Variants in ZSCAN20 observed in about 807,000 individuals in gnomAD.
ZSCAN20 encodes the protein zinc finger and SCAN domain containing 20.
A neutral mutation model predicts 97.1 loss-of-function variants in ZSCAN20; 39 were observed. The ratio of observed to expected loss-of-function variants is 0.40; its 90% CI spans 0.31 to 0.52. The LOEUF (loss-of-function observed/expected upper bound fraction) is 0.52, where lower values mean the gene tolerates loss of function less well. Among genes scored for constraint, ZSCAN20 ranks in the 20% least tolerant of loss-of-function variants. The pLI, the probability that ZSCAN20 is intolerant of heterozygous loss-of-function variation, is 0.49. For missense variants in ZSCAN20, 1,115 were observed against 1,290.4 expected (o/e 0.86, Z 2.08); for synonymous variants, 456 against 467.3 (o/e 0.98, Z 0.31).
At chr1:33,494,078 T>TTTATAAGATGTGCGATAGAAGATATAAGA in intron 7 of ZSCAN20, 140 bp from the exon 8 acceptor site, 1 of 785,140 alleles carries the variant, frequency 1.3e-6, no homozygotes. Flanking sequence ...GTTAGTCACA[T>TTTATAAGATGTGCGATAGAAGATATAAGA]TTATAAGATG....
chr1:33,491,560 C>CTTT lies in ZSCAN20; in HGVS notation c.1302_1303insTTT (p.Asp434_Ala435insPhe). 6.2e-7 allele frequency: 1 copy of CTTT among 1,614,056 alleles called. No individual in the cohort carries two copies. Among genetic ancestry groups the CTTT allele is most frequent in the African/African-American group, 1.3e-5 (1 of 75,002 alleles). ...CACTTCCCAGGCTCGGGTATAGTGA[C>CTTT]GCAGAGATGGATGAGCAGGAGGAAG... is the stretch of plus-strand genomic sequence containing the variant. On this transcript the variant is annotated inframe_insertion, in exon 6 of 8. Coordinates refer to ENST00000684572, the MANE Select transcript of ZSCAN20 (RefSeq NM_001377376.1). This position sits in a 1 kb window ranked among gnomAD's most constrained non-coding sequence, Gnocchi z 4.3.
At chr1:33,489,367 A>G in intron 4 of ZSCAN20, 151 bp from the exon 5 acceptor site, 1 of 971,720 alleles carries the variant, frequency 1.0e-6, no homozygotes, top group East Asian at 2.6e-5. Context: ...AAACACATGT[A>G]TGTACCAAAT....
intron 5 of ZSCAN20, 56 bp downstream of exon 5, chr1:33,489,658 C>T: frequency 6.5e-7 from 1 of 1,529,584 alleles, no homozygotes; most frequent in Non-Finnish European, 9.0e-7. Flanking sequence ...ACACCCAGTT[C>T]CCAAAGAGGG....
intron 1 of ZSCAN20, among the ~76,000 whole-genome samples, chr1:33,474,014 C>T (rs1018406767): frequency 1.3e-5 from 2 of 152,218 alleles, no homozygotes; most frequent in African/African-American, 4.8e-5. Context: ...TAGTCTTCCT[C>T]TGCCTGGCAA....
At chr1:33,476,443 C>T (rs950571138) in intron 1 of ZSCAN20, among the ~76,000 whole-genome samples, 2 of 152,194 alleles carry the variant, frequency 1.3e-5, no homozygotes, top group African/African-American at 2.4e-5. Flanking sequence ...TTATCTGAGA[C>T]TCTGAGCTTT....
At position 33,494,109 on chromosome 1, in the gene ZSCAN20, T is replaced by A; in HGVS notation, c.1874-109T>A. On this transcript the variant is annotated intron_variant, in intron 7 of 7. Transcript: ENST00000684572. ...AGATGTGCGATAGAAGATATAAGAATCAAATTCATGTTAGCCAAATTCACA... is the reference window on the plus strand; with the variant it reads ...AGATGTGCGATAGAAGATATAAGAAACAAATTCATGTTAGCCAAATTCACA... 3 of 1,022,238 alleles carry A rather than the reference T, an allele frequency of 2.9e-6. No individual in the cohort carries two copies. In the South Asian group the frequency reaches 6.0e-5, roughly 20 times the overall value. The allele number at this position is 1,022,238 out of a possible 1,614,324, so 63.3% of individuals were successfully genotyped here.
At chr1:33,477,297 T>G (rs1651972994) in intron 1 of ZSCAN20, among the ~76,000 whole-genome samples, 1 of 152,158 alleles carries the variant, frequency 6.6e-6, no homozygotes, top group Admixed American at 6.5e-5. Flanking sequence ...TTAATTTTTA[T>G]TACCCTTGTC....
intron 2 of ZSCAN20, among the ~76,000 whole-genome samples, chr1:33,487,025 A>T (rs1172194204): frequency 6.6e-6 from 1 of 152,252 alleles, no homozygotes; most frequent in Non-Finnish European, 1.5e-5. Flanking sequence ...AAAAAATAAG[A>T]CTCAGAGCAG....
chr1:33,478,124 G>A (rs1437835578), intron 1 of ZSCAN20, among the ~76,000 whole-genome samples: 3 of 152,160 alleles, frequency 2.0e-5, no homozygotes, highest in Admixed American at 2.0e-4. Flanking sequence ...GCTTTGTCCT[G>A]AGGGAAATGG....
Position 33,495,209 on chromosome 1 carries a change from A to G in ZSCAN20, c.2865A>G (p.Gly955=). ...TCACACACCAGAGAGTGCACACAGG[A>G]GAGAAGCCCTACAAATGCCTTGAGT... ...KLITHQRVHT[G]EKPYKCLECG... The change falls in exon 8 of 8, where the codon GGA becomes GGG. Residue 955 remains glycine, a synonymous_variant. Transcript: ENST00000684572. 6.2e-7 allele frequency: 1 copy of G among 1,613,588 alleles called. No homozygotes were observed. Among genetic ancestry groups the G allele is most frequent in the Non-Finnish European group, 8.5e-7 (1 of 1,179,664 alleles).
In ZSCAN20 at chr1:33,498,332, T is replaced by C. The variant is rs1434900207; in HGVS notation, c.*2856T>C. ...TAGTGAACAGTTTTGATGTTTATTA[T>C]CTGCCATTCTTGTCTCATGAATCTT... On this transcript the variant is annotated 3_prime_UTR_variant, in exon 8 of 8. Transcript: ENST00000684572. Among the ~76,000 whole-genome samples the C allele has an allele frequency of 1.3e-5, 2 of 152,236 alleles. No homozygotes were observed. The highest frequency in any genetic ancestry group is 2.9e-5 in the Non-Finnish European group (2 of 68,044).
At position 33,498,774 on chromosome 1, in the gene ZSCAN20, C is replaced by T. The variant is rs1025520341; in HGVS notation, c.*3298C>T. On this transcript the variant is annotated 3_prime_UTR_variant, in exon 8 of 8. Coordinates refer to ENST00000684572, the MANE Select transcript of ZSCAN20 (RefSeq NM_001377376.1). ...TCGTCTCCCCAGATGGCTGCCTCCC[C>T]TTGATTTCTTCACCCTCCACCTCAA... 5.3e-5 allele frequency among the ~76,000 whole-genome samples: 8 copies of T among 152,146 alleles called. No individual in the cohort carries two copies. In the East Asian group the frequency reaches 1.2e-3, roughly 22 times the overall value.
rs903039387 is a variant in ZSCAN20, at chr1:33,477,510, G to A, written c.-110-1669G>A. Among the ~76,000 whole-genome samples the A allele has an allele frequency of 5.9e-5, 9 of 151,942 alleles. No individual in the cohort carries two copies. In the South Asian group the frequency reaches 8.3e-4, roughly 14 times the overall value. ...CAGCATGGGTGCCATCAGAGAGGCTGTAATCTCCTCTGGGACACACATAGA... is the reference window on the plus strand; with the variant it reads ...CAGCATGGGTGCCATCAGAGAGGCTATAATCTCCTCTGGGACACACATAGA... On this transcript the variant is annotated intron_variant, in intron 1 of 7. Coordinates refer to ENST00000684572, the MANE Select transcript of ZSCAN20 (RefSeq NM_001377376.1).
chr1:33,483,030 G>A (rs1460342025), intron 2 of ZSCAN20, among the ~76,000 whole-genome samples: 1 of 152,100 alleles, frequency 6.6e-6, no homozygotes, highest in East Asian at 1.9e-4. Flanking sequence ...TCATTCTCTT[G>A]ACAGTATCTT....
rs1433976202 is a variant in ZSCAN20 at position 33,495,618 on chromosome 1, G to A, written c.*142G>A. ...TTGGTATAAACCAGGTAATTTGGAA[G>A]TGAATTACAAATACTAAGGATCCAG... On this transcript the variant is annotated 3_prime_UTR_variant, in exon 8 of 8. Coordinates refer to ENST00000684572, the MANE Select transcript of ZSCAN20 (RefSeq NM_001377376.1). 26 of 742,350 alleles carry A rather than the reference G, an allele frequency of 3.5e-5. No homozygotes were observed. Among genetic ancestry groups the A allele is most frequent in the Non-Finnish European group, 4.6e-5 (24 of 518,430 alleles). The allele number at this position is 742,350 out of a possible 1,614,324, so 46.0% of individuals were successfully genotyped here.
At chr1:33,489,650 A>G in intron 5 of ZSCAN20, 48 bp downstream of exon 5, 1 of 1,557,232 alleles carries the variant, frequency 6.4e-7, no homozygotes, top group Non-Finnish European at 8.9e-7. Flanking sequence ...CTTCTGATAC[A>G]CCCAGTTCCC....
At chr1:33,486,806 T>C (rs1403122077) in intron 2 of ZSCAN20, among the ~76,000 whole-genome samples, 6 of 152,160 alleles carry the variant, frequency 3.9e-5, no homozygotes, top group African/African-American at 1.4e-4. Flanking sequence ...AAGCAGATGC[T>C]TTCTCCCTGT....
chr1:33,494,377 G>A lies in ZSCAN20; in HGVS notation c.2033G>A (p.Gly678Glu). ...GAAAATGAAGATGAAGGGCAGTGGG[G>A]AAATCCCTCACAGGAACAGTGGCAA... ...ENENEDEGQW[G>E]NPSQEQWQES... is the part of the protein sequence containing the mutation. Residue 678 changes from glycine (G) to glutamate (E), a missense_variant, in exon 8 of 8, where the codon GGA becomes GAA. Gly to Glu is a moderately conservative substitution (Grantham distance 98, BLOSUM62 -2). Transcript: ENST00000684572. 5 of 1,614,110 alleles carry A rather than the reference G, an allele frequency of 3.1e-6. No individual in the cohort carries two copies. The highest frequency in any genetic ancestry group is 4.2e-6 in the Non-Finnish European group (5 of 1,180,018).
chr1:33,484,578 G>T (rs1183275984), intron 2 of ZSCAN20, among the ~76,000 whole-genome samples: 3 of 147,790 alleles, frequency 2.0e-5, no homozygotes, highest in Non-Finnish European at 4.5e-5. Flanking sequence ...TTTATACATT[G>T]TTGGATTTGA....
Sources: allele counts gnomAD v4.1 joint callset (sites outside exome capture counted in the v4.1 genomes callset), GRCh38; gene constraint gnomAD v4.1.1; non-coding constraint Gnocchi (gnomAD v3.1); transcripts MANE v1.5; gene names NCBI Gene and HGNC (gene_info 2026-07-23, HGNC 2026-07-21).